The following C16orf78 variants were observed in gnomAD, a reference collection of about 807,000 sequenced individuals.
C16orf78 encodes chromosome 16 open reading frame 78.
A neutral mutation model predicts 27.3 loss-of-function variants in C16orf78; 19 were observed. That is an observed-to-expected ratio of 0.70 (90% CI 0.49 to 1.02). The LOEUF is 1.02. Ranked by LOEUF, C16orf78 falls within the 50% of genes least tolerant of loss-of-function variation. The pLI is 0.00. For missense variants in C16orf78, 339 were observed against 337.0 expected (o/e 1.01, Z -0.05); for synonymous variants, 130 against 116.1 (o/e 1.12, Z -0.77).
Position 49,374,099 on chromosome 16 carries a change from A to G in C16orf78, c.150+10A>G, listed in dbSNP as rs1300951928. On this transcript the variant is annotated intron_variant, in intron 1 of 4. Transcript: ENST00000299191. ...GAAACAAGCTCCCGAGGTGGGTACC[A>G]TCCAAGAGAAATGGCAGGAAGACTT... is the stretch of plus-strand genomic sequence containing the variant. 6.2e-7 allele frequency: 1 copy of G among 1,613,228 alleles called. No individual in the cohort carries two copies. The highest frequency in any genetic ancestry group is 1.1e-5 in the South Asian group (1 of 90,932).
chr16:49,387,864 T>C (rs1027288788), intron 3 of C16orf78, among the ~76,000 whole-genome samples: 12 of 152,222 alleles, frequency 7.9e-5, no homozygotes, highest in African/African-American at 2.7e-4. Flanking sequence ...TATTCTCTGA[T>C]GGTTATTTGT....
In C16orf78 at chr16:49,396,428, G is replaced by A; in HGVS notation, c.400G>A (p.Asp134Asn). The A allele has an allele frequency of 1.2e-6, 2 of 1,613,980 alleles. No individual in the cohort carries two copies. Among genetic ancestry groups the A allele is most frequent in the Non-Finnish European group, 1.7e-6 (2 of 1,179,968 alleles). ...IKDGPKKSDTDIKDAVDPEST... is the reference protein window; with the variant it reads ...IKDGPKKSDTNIKDAVDPEST... ...TGGCATCTGTCCAATTTCAGATACA[G>A]ACATCAAGGATGCAGTCGACCCAGA... is the stretch of plus-strand genomic sequence containing the variant. Residue 134 changes from aspartate to asparagine, a missense_variant, in exon 4 of 5, where the codon GAC becomes AAC. Coordinates refer to ENST00000299191, the MANE Select transcript of C16orf78 (RefSeq NM_144602.4).
chr16:49,380,397 C>G (rs1436479150), intron 3 of C16orf78, among the ~76,000 whole-genome samples: 1 of 152,150 alleles, frequency 6.6e-6, no homozygotes, highest in African/African-American at 2.4e-5. Flanking sequence ...ATCTAGATTG[C>G]CTTATGCCTT....
intron 3 of C16orf78, among the ~76,000 whole-genome samples, chr16:49,388,134 A>T (rs28864161): frequency 0.18 from 27,992 of 151,448 alleles, 2,772 homozygotes; most frequent in South Asian, 0.3. Context: ...AGAAAAAAAA[A>T]TTTTTTTTTA....
At position 49,396,589 on chromosome 16, in the gene C16orf78, A is replaced by T. The variant is rs746276397; in HGVS notation, c.561A>T (p.Glu187Asp). The change falls in exon 4 of 5, where the codon GAA becomes GAT. Residue 187 changes from glutamate to aspartate, a missense_variant. By Grantham distance (45) the Glu-to-Asp change is conservative (BLOSUM62 2). Coordinates refer to ENST00000299191, the MANE Select transcript of C16orf78 (RefSeq NM_144602.4). ...ACAAGATGCCTGACATGGCTTACGA[A>T]CGCAAGCTAAAGAGCCTCATGGAGA... Reference protein sequence around the residue: ...WSNKMPDMAYERKLKSLMEKS... With the variant: ...WSNKMPDMAYDRKLKSLMEKS... The T allele has an allele frequency of 6.2e-7, 1 of 1,613,986 alleles. No individual in the cohort carries two copies. The highest frequency in any genetic ancestry group is 1.3e-5 in the African/African-American group (1 of 74,932).
intron 3 of C16orf78, among the ~76,000 whole-genome samples, chr16:49,394,479 C>A (rs1219499245): frequency 2.0e-5 from 3 of 149,166 alleles, no homozygotes; most frequent in African/African-American, 4.9e-5. Flanking sequence ...CAGTTGATGG[C>A]AAAAAAAAAG....
At chr16:49,391,381 T>C (rs537779580) in intron 3 of C16orf78, among the ~76,000 whole-genome samples, 2 of 152,294 alleles carry the variant, frequency 1.3e-5, no homozygotes, top group Admixed American at 6.5e-5. Context: ...TACCCCCTTT[T>C]GTCTCCGCGA....
chr16:49,374,317 C>G (rs1242870976), intron 1 of C16orf78, among the ~76,000 whole-genome samples: 1 of 151,974 alleles, frequency 6.6e-6, no homozygotes, highest in Non-Finnish European at 1.5e-5. Flanking sequence ...CTCCCATCCT[C>G]TCACAGAGAC....
At position 49,374,066 on chromosome 16, in the gene C16orf78, G is replaced by C; in HGVS notation, c.127G>C (p.Gly43Arg). Reference protein sequence around the residue: ...CVLEWLERRQGKKKQAPEKQK... With the variant: ...CVLEWLERRQRKKKQAPEKQK... ...GCTGGAGTGGCTGGAGCGGAGGCAG[G>C]GGAAGAAGAAACAAGCTCCCGAGGT... The change falls in exon 1 of 5, where the codon GGG (glycine) becomes CGG (arginine). Residue 43 changes from glycine to arginine, a missense_variant. Physicochemically the swap from Gly to Arg is moderately radical, Grantham distance 125. Coordinates refer to ENST00000299191, the MANE Select transcript of C16orf78 (RefSeq NM_144602.4). 6.2e-7 allele frequency: 1 copy of C among 1,614,112 alleles called. No homozygotes were observed. Among genetic ancestry groups the C allele is most frequent in the South Asian group, 1.1e-5 (1 of 91,052 alleles).
intron 3 of C16orf78, among the ~76,000 whole-genome samples, chr16:49,384,346 C>CAAA (rs771147270): frequency 1.2e-3 from 61 of 50,478 alleles, no homozygotes; most frequent in Middle Eastern, 0.014. Flanking sequence ...AAAACTCCAT[C>CAAA]AAAAAAAAAA....
At chr16:49,383,395 T>C (rs1399841621) in intron 3 of C16orf78, among the ~76,000 whole-genome samples, 2 of 152,190 alleles carry the variant, frequency 1.3e-5, no homozygotes, top group Non-Finnish European at 2.9e-5. Context: ...TGGGTTGCCA[T>C]AGTCAAAGCA....
chr16:49,393,921 A>G (rs1342930966), intron 3 of C16orf78, among the ~76,000 whole-genome samples: 2 of 152,110 alleles, frequency 1.3e-5, no homozygotes, highest in Non-Finnish European at 2.9e-5. Flanking sequence ...AAAATAAAAG[A>G]ATTGTAATAG....
chr16:49,380,431 G>A (rs531565904), intron 3 of C16orf78, among the ~76,000 whole-genome samples: 9 of 152,118 alleles, frequency 5.9e-5, no homozygotes, highest in Non-Finnish European at 1.0e-4. Flanking sequence ...TACCTTCCCC[G>A]AATTTTCTGT....
intron 4 of C16orf78, among the ~76,000 whole-genome samples, chr16:49,397,751 T>C (rs1965491521): frequency 6.6e-6 from 1 of 152,164 alleles, no homozygotes; most frequent in Non-Finnish European, 1.5e-5. Context: ...AAGAAAAGAA[T>C]GAAGTGGTTC....
intron 3 of C16orf78, among the ~76,000 whole-genome samples, chr16:49,381,427 C>T (rs1965285783): frequency 6.6e-6 from 1 of 152,274 alleles, no homozygotes; most frequent in African/African-American, 2.4e-5. Context: ...TGATTTGGCT[C>T]TCTGTTTGTC....
intron 3 of C16orf78, among the ~76,000 whole-genome samples, chr16:49,383,599 G>A (rs1965312746): frequency 6.6e-6 from 1 of 152,092 alleles, no homozygotes; most frequent in Non-Finnish European, 1.5e-5. Flanking sequence ...CAGTGTCTTA[G>A]CTTAACTGTG....
intron 3 of C16orf78, among the ~76,000 whole-genome samples, chr16:49,380,152 G>A (rs1965269595): frequency 6.6e-6 from 1 of 152,184 alleles, no homozygotes; most frequent in African/African-American, 2.4e-5. Context: ...GCCACAGACT[G>A]AAGGCTGCAC....
chr16:49,377,889 T>C (rs1432323754), intron 2 of C16orf78, 39 bp downstream of exon 2: 1 of 1,549,134 alleles, frequency 6.5e-7, no homozygotes, highest in Non-Finnish European at 8.7e-7. Flanking sequence ...CCCCACTGGG[T>C]CTCCAAATGG....
intron 3 of C16orf78, 44 bp from the exon 4 acceptor site, chr16:49,396,379 G>C (rs372387224): frequency 1.9e-6 from 3 of 1,602,612 alleles, no homozygotes; most frequent in Non-Finnish European, 2.6e-6. Flanking sequence ...CACCTCTCAC[G>C]TCTCCCACGG....
Sources: gnomAD v4.1 joint callset for allele counts (sites outside exome capture counted in the v4.1 genomes callset) on GRCh38, gnomAD v4.1.1 for gene constraint, MANE v1.5 for transcripts, NCBI Gene and HGNC (gene_info 2026-07-23, HGNC 2026-07-21) for gene names.